KIAA1217: variants seen among roughly 807,000 people sequenced by gnomAD.
KIAA1217 encodes sickle tail protein homolog.
A neutral mutation model predicts 163.9 loss-of-function variants in KIAA1217; 88 were observed. The observed-to-expected ratio is 0.54, with a 90% CI of 0.45 to 0.64. KIAA1217 has a LOEUF of 0.64. KIAA1217 is among the 30% of genes least tolerant of loss of function. The pLI, the probability that KIAA1217 is intolerant of heterozygous loss-of-function variation, is 0.00. For synonymous variants in KIAA1217, 903 were observed against 923.1 expected (o/e 0.98, Z 0.39); for missense variants, 2,372 against 2,475.0 (o/e 0.96, Z 0.88).
chr10:24,194,735 C>T (rs1315508761), intron 2 of KIAA1217, among the ~76,000 whole-genome samples: 7 of 150,544 alleles, frequency 4.6e-5, no homozygotes, highest in Non-Finnish European at 8.9e-5. Context: ...AGGCATGCAC[C>T]ACCTATAGTC....
chr10:24,303,595 A>G (rs2041642433), intron 2 of KIAA1217, among the ~76,000 whole-genome samples: 1 of 152,180 alleles, frequency 6.6e-6, no homozygotes, highest in Non-Finnish European at 1.5e-5. Flanking sequence ...CTGGAGGAGG[A>G]TTCCTGATGT....
At chr10:24,183,573 G>C (rs906385493) in intron 2 of KIAA1217, among the ~76,000 whole-genome samples, 1 of 152,230 alleles carries the variant, frequency 6.6e-6, no homozygotes, top group Non-Finnish European at 1.5e-5. Context: ...AAACATGAAT[G>C]ATAGAATGTA....
intron 14 of KIAA1217, among the ~76,000 whole-genome samples, chr10:24,529,060 T>C (rs913671631): frequency 3.9e-5 from 6 of 152,232 alleles, no homozygotes; most frequent in African/African-American, 1.4e-4. Flanking sequence ...CTAATGTCTC[T>C]GCAGTGTCAC....
intron 2 of KIAA1217, among the ~76,000 whole-genome samples, chr10:24,199,523 A>T (rs2067148558): frequency 6.6e-6 from 1 of 152,348 alleles, no homozygotes; most frequent in South Asian, 2.1e-4. Context: ...ACTATAGCCG[A>T]AGAGAAATTG....
At chr10:23,796,894 C>A (rs1836233901) in intron 1 of KIAA1217, among the ~76,000 whole-genome samples, 1 of 152,020 alleles carries the variant, frequency 6.6e-6, no homozygotes, top group Admixed American at 6.6e-5. Context: ...ACTTTGCCAC[C>A]CAGGCTGGAG....
chr10:23,697,024 T>C (rs781075189), intron 1 of KIAA1217, among the ~76,000 whole-genome samples: 1 of 152,338 alleles, frequency 6.6e-6, no homozygotes, highest in Admixed American at 6.5e-5. Context: ...TTCGAAAGTG[T>C]ATATCCTTAA....
chr10:23,833,015 C>T (rs1381586412), intron 1 of KIAA1217, among the ~76,000 whole-genome samples: 1 of 152,092 alleles, frequency 6.6e-6, no homozygotes, highest in African/African-American at 2.4e-5. Flanking sequence ...CGGTCCCTCC[C>T]ACAAGACATG....
At chr10:24,518,792 G>A (rs1032688220) in intron 10 of KIAA1217, among the ~76,000 whole-genome samples, 3 of 152,180 alleles carry the variant, frequency 2.0e-5, no homozygotes, top group African/African-American at 4.8e-5. Flanking sequence ...ACAGAACACT[G>A]GGCCCCTTTC....
At chr10:23,957,895 C>A (rs1178237594) in intron 1 of KIAA1217, among the ~76,000 whole-genome samples, 1 of 152,330 alleles carries the variant, frequency 6.6e-6, no homozygotes, top group East Asian at 1.9e-4. Context: ...AACAAACCAA[C>A]AAATCTTCAG....
At chr10:24,271,327 A>G (rs1401272157) in intron 2 of KIAA1217, among the ~76,000 whole-genome samples, 3 of 152,194 alleles carry the variant, frequency 2.0e-5, no homozygotes, top group East Asian at 3.9e-4. Context: ...GGTCATATAT[A>G]TTGAAAAAAC....
At chr10:23,956,791 G>A (rs111385525) in intron 1 of KIAA1217, among the ~76,000 whole-genome samples, 2,874 of 152,188 alleles carry the variant, frequency 0.019, 34 homozygotes, top group Admixed American at 0.03. Flanking sequence ...TTGGGGAGGT[G>A]CAAGGCTTTT....
intron 1 of KIAA1217, among the ~76,000 whole-genome samples, chr10:23,839,603 T>C (rs1051983841): frequency 1.3e-5 from 2 of 152,176 alleles, no homozygotes; most frequent in Non-Finnish European, 2.9e-5. Context: ...CTGTGCTGCA[T>C]TGAGGAAGGA....
intron 1 of KIAA1217, among the ~76,000 whole-genome samples, chr10:23,877,979 C>G (rs1436171336): frequency 6.6e-6 from 1 of 151,920 alleles, no homozygotes; most frequent in African/African-American, 2.4e-5. Context: ...GCCCGGGGCA[C>G]ACAGTTCAGC....
At chr10:24,404,333 C>T (rs1468371276) in intron 3 of KIAA1217, among the ~76,000 whole-genome samples, 3 of 152,036 alleles carry the variant, frequency 2.0e-5, no homozygotes, top group Non-Finnish European at 2.9e-5. Context: ...CTCTGGGAGG[C>T]CAAGGTGGGC....
At chr10:23,822,515 G>A (rs1837669585) in intron 1 of KIAA1217, among the ~76,000 whole-genome samples, 1 of 152,180 alleles carries the variant, frequency 6.6e-6, no homozygotes, top group African/African-American at 2.4e-5. Context: ...TGTTGCTGAT[G>A]TTGTTTTGTG....
At chr10:23,868,438 G>T (rs1840299500) in intron 1 of KIAA1217, among the ~76,000 whole-genome samples, 1 of 152,120 alleles carries the variant, frequency 6.6e-6, no homozygotes, top group Non-Finnish European at 1.5e-5. Context: ...CAGGCAAAGA[G>T]ATTTGCCAGA....
chr10:24,400,962 T>TATACACACAC (rs1554848446), intron 3 of KIAA1217, among the ~76,000 whole-genome samples: 2 of 117,114 alleles, frequency 1.7e-5, no homozygotes, highest in African/African-American at 6.6e-5. Flanking sequence ...GCAAGAAACA[T>TATACACACAC]ACACACACAC....
chr10:24,422,470 C>G lies in KIAA1217; in HGVS notation c.554-10525C>G, dbSNP rs28605308. On this transcript the variant is annotated intron_variant, in intron 3 of 20. Transcript: ENST00000376454. ...TTTTCTCCCTTAATTGTTGAGTAAC[C>G]TTTGAGATGAAAATGAGGACTCAAC... Among the ~76,000 whole-genome samples, 1,201 of 152,236 alleles carry G rather than the reference C, an allele frequency of 7.9e-3. 18 individuals are homozygous for G. Among genetic ancestry groups the G allele is most frequent in the African/African-American group, 0.026 (1,084 of 41,540 alleles).
chr10:23,871,193 G>A (rs961478559), intron 1 of KIAA1217, among the ~76,000 whole-genome samples: 1 of 151,950 alleles, frequency 6.6e-6, no homozygotes, highest in African/African-American at 2.4e-5. Context: ...TCCTTTCCTA[G>A]TCACTTGATT....
Sources: gnomAD v4.1 joint callset for allele counts (sites outside exome capture counted in the v4.1 genomes callset) on GRCh38, gnomAD v4.1.1 for gene constraint, MANE v1.5 for transcripts, NCBI Gene and HGNC (gene_info 2026-07-23, HGNC 2026-07-21) for gene names.